The following ARHGAP24 variants were observed in gnomAD, a reference collection of about 807,000 sequenced individuals.
ARHGAP24 encodes Rho GTPase activating protein 24, also known as rho GTPase-activating protein 24.
ARHGAP24 carries 50 observed loss-of-function variants against 76.4 expected under a neutral mutation model. The observed-to-expected ratio is 0.65, with a 90% CI of 0.52 to 0.83. The LOEUF (loss-of-function observed/expected upper bound fraction) is 0.83, where lower values mean the gene tolerates loss of function less well. Among genes scored for constraint, ARHGAP24 ranks in the 40% least tolerant of loss-of-function variants. ARHGAP24 has a pLI of 0.00. For synonymous variants in ARHGAP24, 345 were observed against 323.3 expected (o/e 1.07, Z -0.72); for missense variants, 930 against 914.2 (o/e 1.02, Z -0.22).
chr4:85,495,241 G>A (rs951245334), intron 1 of ARHGAP24, among the ~76,000 whole-genome samples: 1 of 151,778 alleles, frequency 6.6e-6, no homozygotes, highest in African/African-American at 2.4e-5. Context: ...ATTTGTTTCC[G>A]GGTTTCAGCG....
intron 3 of ARHGAP24, among the ~76,000 whole-genome samples, chr4:85,744,120 G>A (rs184939555): frequency 1.4e-4 from 22 of 152,288 alleles, no homozygotes; most frequent in Admixed American, 1.4e-3. Flanking sequence ...TGGTTCCAGT[G>A]TGTTTGTTTT....
intron 3 of ARHGAP24, among the ~76,000 whole-genome samples, chr4:85,905,249 G>A (rs1734707962): frequency 6.6e-6 from 1 of 151,970 alleles, no homozygotes; most frequent in Admixed American, 6.6e-5. Context: ...GAGAAAGAAG[G>A]GTGAGAGATG....
At chr4:85,636,518 A>G (rs2128185) in intron 2 of ARHGAP24, among the ~76,000 whole-genome samples, 49,875 of 151,674 alleles carry the variant, frequency 0.33, 9,240 homozygotes, top group East Asian at 0.84. Context: ...AAATGGAGAC[A>G]TTAATAGTAC....
At chr4:85,558,319 G>T (rs1481774) in intron 1 of ARHGAP24, among the ~76,000 whole-genome samples, 149,728 of 152,316 alleles carry the variant, frequency 0.98, 73,630 homozygotes, top group East Asian at 1. Flanking sequence ...AAAAAATTAT[G>T]TTTTATGTAG....
chr4:85,865,571 A>C (rs1029111186), intron 3 of ARHGAP24, among the ~76,000 whole-genome samples: 1 of 147,970 alleles, frequency 6.8e-6, no homozygotes, highest in Non-Finnish European at 1.5e-5. Flanking sequence ...TAATTATATA[A>C]ATAATAAATA....
intron 5 of ARHGAP24, among the ~76,000 whole-genome samples, chr4:85,967,826 A>C (rs1234574813): frequency 6.6e-6 from 1 of 152,106 alleles, no homozygotes; most frequent in East Asian, 1.9e-4. Context: ...AGTTTAGTAG[A>C]TCTTCATTGG....
intron 1 of ARHGAP24, among the ~76,000 whole-genome samples, chr4:85,491,832 T>G (rs990100978): frequency 6.6e-6 from 1 of 152,192 alleles, no homozygotes; most frequent in Non-Finnish European, 1.5e-5. Flanking sequence ...AGCTGCTTCA[T>G]GTTCTGAATT....
chr4:85,509,823 T>C (rs1724205794), intron 1 of ARHGAP24, among the ~76,000 whole-genome samples: 1 of 152,048 alleles, frequency 6.6e-6, no homozygotes, highest in South Asian at 2.1e-4. Flanking sequence ...ATTTATAATA[T>C]GTAATATATA....
intron 1 of ARHGAP24, among the ~76,000 whole-genome samples, chr4:85,514,517 C>CA (rs1232216413): frequency 6.6e-6 from 1 of 151,956 alleles, no homozygotes; most frequent in East Asian, 1.9e-4. Context: ...ATCATATCCC[C>CA]AGCAGTTCTA....
At chr4:85,716,200 T>C (rs1399133104) in intron 2 of ARHGAP24, among the ~76,000 whole-genome samples, 5 of 152,102 alleles carry the variant, frequency 3.3e-5, no homozygotes, top group Admixed American at 2.6e-4. Context: ...TTCAACAGCA[T>C]CTACCCTTAC....
chr4:85,487,427 AATATATAAAT>A (rs1200343950), intron 1 of ARHGAP24, among the ~76,000 whole-genome samples: 1 of 101,130 alleles, frequency 9.9e-6, no homozygotes, highest in Admixed American at 1.5e-4. Flanking sequence ...ATATTATATA[AATATATAAAT>A]ATATATTTAT....
At chr4:85,541,836 T>G (rs1725716844) in intron 1 of ARHGAP24, among the ~76,000 whole-genome samples, 1 of 152,176 alleles carries the variant, frequency 6.6e-6, no homozygotes. Flanking sequence ...TGGGTTGACG[T>G]TTGAGTTGGA....
At chr4:85,955,734 A>G (rs1737869834) in intron 5 of ARHGAP24, among the ~76,000 whole-genome samples, 1 of 152,214 alleles carries the variant, frequency 6.6e-6, no homozygotes, top group African/African-American at 2.4e-5. Context: ...TTTCTTATAT[A>G]TGAAATGGGG....
intron 1 of ARHGAP24, among the ~76,000 whole-genome samples, chr4:85,569,271 T>C (rs1463902583): frequency 2.6e-5 from 4 of 152,246 alleles, no homozygotes; most frequent in Non-Finnish European, 5.9e-5. Context: ...TGGACAGGAA[T>C]AATCTACGTT....
At chr4:85,501,298 A>G (rs1723805916) in intron 1 of ARHGAP24, among the ~76,000 whole-genome samples, 1 of 152,228 alleles carries the variant, frequency 6.6e-6, no homozygotes, top group African/African-American at 2.4e-5. Flanking sequence ...AGGAATTGCC[A>G]CACTGTCTTC....
chr4:85,846,375 T>A (rs1291374630), intron 3 of ARHGAP24, among the ~76,000 whole-genome samples: 1 of 151,626 alleles, frequency 6.6e-6, no homozygotes, highest in Non-Finnish European at 1.5e-5. Flanking sequence ...GTGGTCTACT[T>A]TCATAATTCA....
chr4:85,561,380 A>C (rs550136428), intron 1 of ARHGAP24, among the ~76,000 whole-genome samples: 92 of 152,278 alleles, frequency 6.0e-4, no homozygotes, highest in African/African-American at 2.0e-3. Flanking sequence ...TCTCTATTAC[A>C]TCCTTTGTTA....
At chr4:85,779,515 G>T (rs1727443887) in intron 3 of ARHGAP24, among the ~76,000 whole-genome samples, 2 of 151,966 alleles carry the variant, frequency 1.3e-5, no homozygotes, top group Admixed American at 1.3e-4. Flanking sequence ...TGGGGTTTTT[G>T]CCTCCAGTTT....
chr4:85,597,081 G>C (rs980462922), intron 2 of ARHGAP24, among the ~76,000 whole-genome samples: 1 of 152,008 alleles, frequency 6.6e-6, no homozygotes, highest in South Asian at 2.1e-4. Flanking sequence ...AAAGATTTCA[G>C]TTTTCATTAT....
Sources: allele counts gnomAD v4.1 joint callset (sites outside exome capture counted in the v4.1 genomes callset), GRCh38; gene constraint gnomAD v4.1.1; transcripts MANE v1.5; gene names NCBI Gene and HGNC (gene_info 2026-07-23, HGNC 2026-07-21).